PDCD10: variants seen among roughly 807,000 people sequenced by gnomAD.
PDCD10 encodes the protein programmed cell death 10, also known as programmed cell death protein 10.
Under a neutral mutation model 29.2 loss-of-function variants are expected in PDCD10, and 4 were observed. The ratio of observed to expected loss-of-function variants is 0.14; its 90% CI spans 0.07 to 0.31. The LOEUF is 0.31. Ranked by LOEUF, PDCD10 falls within the 10% of genes least tolerant of loss-of-function variation. PDCD10 has a pLI of 1.00. For synonymous variants in PDCD10, 70 were observed against 82.2 expected (o/e 0.85, Z 0.80); for missense variants, 183 against 257.9 (o/e 0.71, Z 1.99).
intron 6 of PDCD10, among the ~76,000 whole-genome samples, chr3:167,688,118 T>C (rs984883226): frequency 1.3e-5 from 2 of 152,234 alleles, no homozygotes; most frequent in Non-Finnish European, 2.9e-5. Flanking sequence ...AAGGAACAAT[T>C]TTATAATATT....
chr3:167,694,315 G>T, intron 6 of PDCD10: 1 of 198,734 alleles, frequency 5.0e-6, no homozygotes. Context: ...AAGAGAGACG[G>T]GGAACCACTG....
chr3:167,702,245 G>A (rs532798113), intron 4 of PDCD10, among the ~76,000 whole-genome samples: 4 of 152,256 alleles, frequency 2.6e-5, no homozygotes, highest in African/African-American at 9.6e-5. Flanking sequence ...ACATCCCTGA[G>A]CTAGCAAGAC....
At chr3:167,728,089 C>G (rs1423661596) in intron 2 of PDCD10, among the ~76,000 whole-genome samples, 2 of 152,116 alleles carry the variant, frequency 1.3e-5, no homozygotes, top group African/African-American at 4.8e-5. Context: ...CTCCTGTAAC[C>G]TTCACTTCGC....
rs532092808 is a variant in PDCD10, at chr3:167,730,181, C to T, written c.-117+4033G>A. On this transcript the variant is annotated intron_variant, in intron 2 of 8. Transcript: ENST00000392750. ...TCAGCACATAAATTATTTCTAATTG[C>T]TATAATAAATGTGCTTTCATTTTTT... Among the ~76,000 whole-genome samples the T allele has an allele frequency of 3.3e-5, 5 of 152,006 alleles. No individual in the cohort carries two copies. In the East Asian group the frequency reaches 9.7e-4, roughly 29 times the overall value.
intron 6 of PDCD10, among the ~76,000 whole-genome samples, chr3:167,693,895 G>A (rs1212271467): frequency 6.6e-6 from 1 of 152,170 alleles, no homozygotes; most frequent in East Asian, 1.9e-4. Flanking sequence ...GGTTGAGGGT[G>A]CAGTAAGTTA....
chr3:167,689,709 G>A (rs1720009676), intron 6 of PDCD10, among the ~76,000 whole-genome samples: 1 of 152,136 alleles, frequency 6.6e-6, no homozygotes, highest in Non-Finnish European at 1.5e-5. Context: ...GACTGCTGAT[G>A]AGTCAGGTTT....
intron 4 of PDCD10, among the ~76,000 whole-genome samples, chr3:167,703,172 CCTT>C (rs1356865660): frequency 2.6e-5 from 4 of 152,052 alleles, no homozygotes; most frequent in African/African-American, 9.7e-5. Context: ...GATTACTTTT[CCTT>C]CTTCTTTTGG....
rs539171893 is a variant in PDCD10, at chr3:167,710,020, A to G, written c.97-5125T>C. 3.5e-4 allele frequency among the ~76,000 whole-genome samples: 53 copies of G among 152,214 alleles called. 1 individual carries two copies. The highest frequency in any genetic ancestry group is 1.2e-3 in the African/African-American group (50 of 41,562). ...TCACTGCCCTGAAGGGAAGGATCCAATCCTGGCAGGATTCATCGCCTGCTG... is the reference window on the plus strand; with the variant it reads ...TCACTGCCCTGAAGGGAAGGATCCAGTCCTGGCAGGATTCATCGCCTGCTG... On this transcript the variant is annotated intron_variant, in intron 3 of 8. Transcript: ENST00000392750.
chr3:167,720,714 A>C (rs1723480378), intron 2 of PDCD10, among the ~76,000 whole-genome samples: 2 of 152,260 alleles, frequency 1.3e-5, no homozygotes, highest in South Asian at 2.1e-4. Flanking sequence ...TAAAGAAGAA[A>C]GAACTAGGGT....
At chr3:167,730,944 G>A (rs924620808) in intron 2 of PDCD10, 5 of 151,824 alleles carry the variant, frequency 3.3e-5, no homozygotes, top group African/African-American at 9.7e-5. Context: ...GATATTAAAG[G>A]TATAATTCAT....
chr3:167,705,296 T>C (rs1313429173), intron 3 of PDCD10, among the ~76,000 whole-genome samples: 1 of 152,140 alleles, frequency 6.6e-6, no homozygotes, highest in African/African-American at 2.4e-5. Context: ...TCTGTTAAAT[T>C]CTGATTTTTT....
At chr3:167,713,415 A>G (rs1468298192) in intron 3 of PDCD10, among the ~76,000 whole-genome samples, 1 of 151,998 alleles carries the variant, frequency 6.6e-6, no homozygotes, top group Non-Finnish European at 1.5e-5. Flanking sequence ...ACCAAAACCT[A>G]TGGGATACAG....
At chr3:167,719,251 A>G (rs1723335871) in intron 3 of PDCD10, among the ~76,000 whole-genome samples, 1 of 152,168 alleles carries the variant, frequency 6.6e-6, no homozygotes, top group Non-Finnish European at 1.5e-5. Flanking sequence ...TTAGATTAAT[A>G]AAATAGCAAA....
At chr3:167,684,446 G>T in intron 8 of PDCD10, 57 bp from the exon 9 acceptor site, 6 of 914,314 alleles carry the variant, frequency 6.6e-6, no homozygotes, top group East Asian at 2.5e-5. Context: ...ACCCTTTTAA[G>T]ATTTATACTA....
intron 2 of PDCD10, among the ~76,000 whole-genome samples, chr3:167,721,506 A>T (rs951558538): frequency 6.6e-6 from 1 of 152,222 alleles, no homozygotes; most frequent in African/African-American, 2.4e-5. Context: ...GTTCCTAATC[A>T]TTAAAAATTT....
At chr3:167,687,583 G>A (rs770216793) in intron 7 of PDCD10, 32 bp downstream of exon 7, 2 of 1,203,252 alleles carry the variant, frequency 1.7e-6, no homozygotes, top group East Asian at 2.3e-5. Context: ...AACATCTAGG[G>A]TGTCAACTAG....
chr3:167,725,628 AAAGTT>A (rs1454903845), intron 2 of PDCD10, among the ~76,000 whole-genome samples: 1 of 151,864 alleles, frequency 6.6e-6, no homozygotes, highest in East Asian at 1.9e-4. Context: ...TTTTCTTAAT[AAAGTT>A]AAGTGGAACC....
At chr3:167,711,856 A>T (rs1220229461) in intron 3 of PDCD10, among the ~76,000 whole-genome samples, 1 of 152,140 alleles carries the variant, frequency 6.6e-6, no homozygotes, top group Non-Finnish European at 1.5e-5. Flanking sequence ...ATGAGAGAGT[A>T]GTATGATATA....
In PDCD10 at chr3:167,734,340, G is replaced by A. The variant is rs1725153925; in HGVS notation, c.-243C>T. ...ACATTTGTCTCTTCCTTCTTCCAGT[G>A]CTCCTCTTCCCTCAAAGGGCATAAC... On this transcript the variant is annotated 5_prime_UTR_variant, in exon 2 of 9. Coordinates refer to ENST00000392750, the MANE Select transcript of PDCD10 (RefSeq NM_007217.4). 6.6e-6 allele frequency: 1 copy of A among 152,382 alleles called. No homozygotes were observed. The highest frequency in any genetic ancestry group is 1.5e-5 in the Non-Finnish European group (1 of 68,252). The allele number at this position is 152,382 out of a possible 1,614,324, so 9.4% of individuals were successfully genotyped here.
Sources: allele counts gnomAD v4.1 joint callset (sites outside exome capture counted in the v4.1 genomes callset), GRCh38; gene constraint gnomAD v4.1.1; transcripts MANE v1.5; gene names NCBI Gene and HGNC (gene_info 2026-07-23, HGNC 2026-07-21).